The following STX8 variants were observed in gnomAD, a reference collection of about 807,000 sequenced individuals.
STX8 encodes syntaxin-8.
In STX8, 23 loss-of-function variants were observed where a neutral mutation model predicts 37.5. That is an observed-to-expected ratio of 0.61 (90% confidence interval 0.44 to 0.87). STX8 has a LOEUF of 0.87. Among genes scored for constraint, STX8 ranks in the 40% least tolerant of loss-of-function variants. The pLI, the probability that STX8 is intolerant of heterozygous loss-of-function variation, is 0.00. For synonymous variants in STX8, 115 were observed against 99.1 expected (o/e 1.16, Z -0.95); for missense variants, 313 against 284.7 (o/e 1.10, Z -0.71).
intron 4 of STX8, among the ~76,000 whole-genome samples, chr17:9,530,278 C>T (rs546361928): frequency 6.1e-5 from 9 of 148,496 alleles, no homozygotes; most frequent in South Asian, 4.4e-4. Flanking sequence ...GCCACTGCAC[C>T]CCAGCCTGGG....
intron 6 of STX8, among the ~76,000 whole-genome samples, chr17:9,415,224 C>T (rs559419654): frequency 1.6e-4 from 25 of 152,298 alleles, no homozygotes; most frequent in Non-Finnish European, 3.2e-4. Context: ...TTTCTCCAGG[C>T]ACCTTTCCTT....
At chr17:9,260,573 G>A (rs1001726020) in intron 7 of STX8, among the ~76,000 whole-genome samples, 3 of 152,122 alleles carry the variant, frequency 2.0e-5, no homozygotes, top group East Asian at 1.9e-4. Flanking sequence ...GCAGTGAGCC[G>A]AGATCGTGCC....
intron 7 of STX8, among the ~76,000 whole-genome samples, chr17:9,372,518 C>T (rs9944493): frequency 0.13 from 20,031 of 151,626 alleles, 3,909 homozygotes; most frequent in African/African-American, 0.43. Flanking sequence ...TGCTTTTTTG[C>T]CCAGGCTGGA....
chr17:9,253,726 G>A (rs1227012998), intron 7 of STX8, among the ~76,000 whole-genome samples: 2 of 152,136 alleles, frequency 1.3e-5, no homozygotes, highest in Non-Finnish European at 2.9e-5. Flanking sequence ...GGGCCCAGAA[G>A]CTCCATGCAT....
At chr17:9,546,591 G>GTTTTT (rs386385626) in intron 3 of STX8, among the ~76,000 whole-genome samples, 1,567 of 52,130 alleles carry the variant, frequency 0.03, 70 homozygotes, top group Admixed American at 0.044. Flanking sequence ...TACAAAAGTG[G>GTTTTT]TTTTTTTTTT....
At chr17:9,475,319 G>A (rs1430170908) in intron 6 of STX8, among the ~76,000 whole-genome samples, 1 of 152,220 alleles carries the variant, frequency 6.6e-6, no homozygotes, top group Non-Finnish European at 1.5e-5. Context: ...GTGAAATACA[G>A]CTGGAAATAC....
intron 6 of STX8, among the ~76,000 whole-genome samples, chr17:9,415,127 G>A (rs78006419): frequency 0.012 from 1,871 of 152,182 alleles, 38 homozygotes; most frequent in African/African-American, 0.043. Context: ...CCCACAGCCT[G>A]AGGAAGGACA....
In STX8 at chr17:9,519,707, A is replaced by G. The variant is rs113054640; in HGVS notation, c.324-14545T>C. On this transcript the variant is annotated intron_variant, in intron 4 of 7. Coordinates refer to ENST00000306357, the MANE Select transcript of STX8 (RefSeq NM_004853.3). ...TCATCTCCTCAACATCCCCGCTTCC[A>G]CACCCTACTTCGGCCCTCCAGACTG... Among the ~76,000 whole-genome samples, 9 of 150,186 alleles carry G rather than the reference A, an allele frequency of 6.0e-5. 1 individual carries two copies. The highest frequency in any genetic ancestry group is 2.2e-4 in the African/African-American group (9 of 40,446).
intron 7 of STX8, among the ~76,000 whole-genome samples, chr17:9,314,983 T>A (rs1262505505): frequency 6.6e-6 from 1 of 151,076 alleles, no homozygotes; most frequent in Non-Finnish European, 1.5e-5. Flanking sequence ...GCACCTGTAG[T>A]CCCAGCTACT....
chr17:9,316,093 A>G (rs1259588684), intron 7 of STX8, among the ~76,000 whole-genome samples: 2 of 151,956 alleles, frequency 1.3e-5, no homozygotes, highest in Non-Finnish European at 2.9e-5. Context: ...TGACACCCCT[A>G]TAATGTCTAC....
chr17:9,449,902 T>C (rs899843037), intron 6 of STX8, among the ~76,000 whole-genome samples: 3 of 151,650 alleles, frequency 2.0e-5, no homozygotes, highest in Admixed American at 2.0e-4. Context: ...GAGAATCTCT[T>C]GAGCCCAGGA....
At chr17:9,486,173 C>A (rs942822339) in intron 6 of STX8, among the ~76,000 whole-genome samples, 1 of 152,148 alleles carries the variant, frequency 6.6e-6, no homozygotes, top group African/African-American at 2.4e-5. Context: ...GGGTACAGTA[C>A]AGTATGCACC....
chr17:9,452,457 T>A (rs963513809), intron 6 of STX8: 1 of 152,190 alleles, frequency 6.6e-6, no homozygotes. Context: ...ATACAGCCTG[T>A]GAGAAGGAAT....
chr17:9,563,129 T>G (rs1333638510), intron 2 of STX8, among the ~76,000 whole-genome samples: 1 of 151,440 alleles, frequency 6.6e-6, no homozygotes, highest in African/African-American at 2.4e-5. Flanking sequence ...TACAAAAGAG[T>G]ATCTGTCATT....
At chr17:9,347,976 T>C (rs997570807) in intron 7 of STX8, among the ~76,000 whole-genome samples, 2 of 152,206 alleles carry the variant, frequency 1.3e-5, no homozygotes, top group African/African-American at 4.8e-5. Flanking sequence ...ACTTCATTCC[T>C]TTTTTGTGGT....
chr17:9,523,951 A>G (rs1905461845), intron 4 of STX8, among the ~76,000 whole-genome samples: 1 of 152,258 alleles, frequency 6.6e-6, no homozygotes, highest in African/African-American at 2.4e-5. Flanking sequence ...GACCACCTAC[A>G]TCGTCCATTT....
At chr17:9,308,493 G>C (rs1167079294) in intron 7 of STX8, among the ~76,000 whole-genome samples, 1 of 152,106 alleles carries the variant, frequency 6.6e-6, no homozygotes, top group Non-Finnish European at 1.5e-5. Flanking sequence ...GGGAGGCCGA[G>C]GTGGGTGGAT....
intron 2 of STX8, among the ~76,000 whole-genome samples, chr17:9,559,441 G>C (rs1456613837): frequency 6.6e-6 from 1 of 151,770 alleles, no homozygotes; most frequent in Non-Finnish European, 1.5e-5. Context: ...GAAAAATCTA[G>C]TAATAAAGCT....
chr17:9,427,795 G>A (rs1913692811), intron 6 of STX8, among the ~76,000 whole-genome samples: 1 of 152,168 alleles, frequency 6.6e-6, no homozygotes. Context: ...GTCCTGGAGA[G>A]AAAGCGCTGG....
Sources: allele counts gnomAD v4.1 joint callset (sites outside exome capture counted in the v4.1 genomes callset), GRCh38; gene constraint gnomAD v4.1.1; transcripts MANE v1.5; gene names NCBI Gene and HGNC (gene_info 2026-07-23, HGNC 2026-07-21).